The following ARL5A variants were observed in gnomAD, a reference collection of about 807,000 sequenced individuals.
ARL5A encodes ADP-ribosylation factor-like protein 5A.
Under a neutral mutation model 25.9 loss-of-function variants are expected in ARL5A, and 18 were observed. The observed-to-expected ratio is 0.69, with a 90% CI of 0.48 to 1.03. The LOEUF is 1.03. Ranked by LOEUF, ARL5A falls within the 50% of genes least tolerant of loss-of-function variation. ARL5A has a pLI of 0.00. For synonymous variants in ARL5A, 61 were observed against 67.5 expected (o/e 0.90, Z 0.47); for missense variants, 170 against 211.9 (o/e 0.80, Z 1.23).
At position 151,828,420 on chromosome 2, in the gene ARL5A, G is replaced by A; in HGVS notation, c.-244C>T. ...CGCGGACATCGCCGCCGCGTTGTCTGCGACGAGCCTCGCGGGCCACCGTCC... is the reference window on the plus strand; with the variant it reads ...CGCGGACATCGCCGCCGCGTTGTCTACGACGAGCCTCGCGGGCCACCGTCC... On this transcript the variant is annotated 5_prime_UTR_variant, in exon 1 of 6. Transcript: ENST00000295087. 5.4e-6 allele frequency: 2 copies of A among 367,428 alleles called. No individual in the cohort carries two copies. Among genetic ancestry groups the A allele is most frequent in the Non-Finnish European group, 9.6e-6 (2 of 207,776 alleles). The allele number at this position is 367,428 out of a possible 1,614,324, so 22.8% of individuals were successfully genotyped here.
At chr2:151,823,550 A>C (rs2099832641) in intron 1 of ARL5A, among the ~76,000 whole-genome samples, 1 of 152,172 alleles carries the variant, frequency 6.6e-6, no homozygotes, top group Non-Finnish European at 1.5e-5. Flanking sequence ...AGGGGACTGG[A>C]GTAATGAGAG....
intron 4 of ARL5A, among the ~76,000 whole-genome samples, chr2:151,811,916 T>C (rs1341608369): frequency 6.6e-6 from 1 of 152,208 alleles, no homozygotes; most frequent in African/African-American, 2.4e-5. Flanking sequence ...TCATCTAGTT[T>C]TGTTTAGTCA....
rs1007636457 is a variant in ARL5A, at chr2:151,801,634, C to T, written c.*1642G>A. The T allele has an allele frequency of 5.3e-5, 8 of 152,040 alleles. No individual in the cohort carries two copies. The highest frequency in any genetic ancestry group is 1.9e-4 in the African/African-American group (8 of 41,426). The allele number at this position is 152,040 out of a possible 1,614,324, so 9.4% of individuals were successfully genotyped here. ...AACATAAAACATCCAATGTTAAATA[C>T]TGATATCCCATGCCTGACCTGGATT... On this transcript the variant is annotated 3_prime_UTR_variant, in exon 6 of 6. Transcript: ENST00000295087.
At position 151,801,351 on chromosome 2, in the gene ARL5A, C is replaced by T. The variant is rs1292638449; in HGVS notation, c.*1925G>A. The T allele has an allele frequency of 6.6e-6, 1 of 152,096 alleles. No homozygotes were observed. The highest frequency in any genetic ancestry group is 1.9e-4 in the East Asian group (1 of 5,196). The allele number at this position is 152,096 out of a possible 1,614,324, so 9.4% of individuals were successfully genotyped here. A position where few individuals can be genotyped will look rare whatever the true frequency, so the allele number is the denominator to read the frequency against. On this transcript the variant is annotated 3_prime_UTR_variant, in exon 6 of 6. Coordinates refer to ENST00000295087, the MANE Select transcript of ARL5A (RefSeq NM_012097.4). ...TGGCAGTAATCCAAGGGACTAAGCA[C>T]ATGATTATTCAAATTAAAACATAAA...
chr2:151,803,381 A>C (rs1418523563), intron 5 of ARL5A, 57 bp from the exon 6 acceptor site: 2 of 1,284,782 alleles, frequency 1.6e-6, no homozygotes, highest in African/African-American at 1.5e-5. Flanking sequence ...TATGAGCAGC[A>C]AACTATGAAC....
Position 151,801,250 on chromosome 2 carries a change from C to T in ARL5A, c.*2026G>A, listed in dbSNP as rs1289336132. On this transcript the variant is annotated 3_prime_UTR_variant, in exon 6 of 6. Coordinates refer to ENST00000295087, the MANE Select transcript of ARL5A (RefSeq NM_012097.4). ...GTAACAAGGTAGTACATGCTTTAAA[C>T]ATCCAATTAAGAATAAATCTGAGCC... The T allele has an allele frequency of 6.6e-6, 1 of 152,426 alleles. No homozygotes were observed. Among genetic ancestry groups the T allele is most frequent in the Non-Finnish European group, 1.5e-5 (1 of 67,996 alleles). The allele number at this position is 152,426 out of a possible 1,614,324, so 9.4% of individuals were successfully genotyped here.
chr2:151,812,895 C>A (rs945131436), intron 3 of ARL5A, among the ~76,000 whole-genome samples: 3 of 152,006 alleles, frequency 2.0e-5, no homozygotes, highest in Non-Finnish European at 4.4e-5. Context: ...AAAAATTCAA[C>A]CAACTGAAAG....
At position 151,825,470 on chromosome 2, in the gene ARL5A, C is replaced by CATAAA. The variant is rs539420791; in HGVS notation, c.46+2656_46+2660dup. On this transcript the variant is annotated intron_variant, in intron 1 of 5. Transcript: ENST00000295087. ...TAACTACTTCAAAAGATTGTTAAAACATAAAATAAAATAAAATAAAATGAT... is the reference window on the plus strand; with the variant it reads ...TAACTACTTCAAAAGATTGTTAAAACATAAAATAAAATAAAATAAAATAAAATGAT... 1.1e-3 allele frequency among the ~76,000 whole-genome samples: 162 copies of CATAAA among 152,146 alleles called. 1 individual carries two copies. Among genetic ancestry groups the CATAAA allele is most frequent in the South Asian group, 7.5e-3 (36 of 4,824 alleles).
intron 1 of ARL5A, among the ~76,000 whole-genome samples, chr2:151,827,096 G>A (rs907171108): frequency 1.3e-5 from 2 of 152,152 alleles, no homozygotes; most frequent in Non-Finnish European, 2.9e-5. Context: ...TTGGAAAACT[G>A]GGACGTGACA....
intron 1 of ARL5A, among the ~76,000 whole-genome samples, chr2:151,815,669 G>A (rs1166301080): frequency 6.6e-6 from 1 of 152,152 alleles, no homozygotes; most frequent in African/African-American, 2.4e-5. Flanking sequence ...CGTAAATTAT[G>A]AGTACCTTAA....
At chr2:151,815,071 G>T in intron 2 of ARL5A, 68 bp downstream of exon 2, 1 of 1,180,224 alleles carries the variant, frequency 8.5e-7, no homozygotes, top group Non-Finnish European at 1.2e-6. Flanking sequence ...TGCATTCATT[G>T]ATCGACTATC....
At position 151,827,983 on chromosome 2, in the gene ARL5A, C is replaced by A. The variant is rs1578385960; in HGVS notation, c.46+148G>T. 3.8e-6 allele frequency: 3 copies of A among 786,220 alleles called. No individual in the cohort carries two copies. The East Asian group carries it at 9.2e-5, about 24-fold the overall frequency. 48.7% of individuals were successfully genotyped at this position (786,220 alleles called of 1,614,324 possible). ...AGCTCGGGAGCCGGGACCGAACCGT[C>A]CCGGGCCCGTATCCGCGCAGCCTGC... On this transcript the variant is annotated intron_variant, in intron 1 of 5. Transcript: ENST00000295087.
At position 151,802,709 on chromosome 2, in the gene ARL5A, A is replaced by G. The variant is rs1350384461; in HGVS notation, c.*567T>C. The G allele has an allele frequency of 6.5e-6, 1 of 152,812 alleles. No individual in the cohort carries two copies. The highest frequency in any genetic ancestry group is 1.5e-5 in the Non-Finnish European group (1 of 68,242). 9.5% of individuals were successfully genotyped at this position (152,812 alleles called of 1,614,324 possible). A position where few individuals can be genotyped will look rare whatever the true frequency, so the allele number is the denominator to read the frequency against. On this transcript the variant is annotated 3_prime_UTR_variant, in exon 6 of 6. Transcript: ENST00000295087. ...AAAATGGCACTGAACACTAATGCCAATACTTATCTCATTGTGGTTATAACG... is the reference window on the plus strand; with the variant it reads ...AAAATGGCACTGAACACTAATGCCAGTACTTATCTCATTGTGGTTATAACG...
chr2:151,800,861 T>G lies in ARL5A; in HGVS notation c.*2415A>C, dbSNP rs1020388070. 8 of 152,632 alleles carry G rather than the reference T, an allele frequency of 5.2e-5. No individual in the cohort carries two copies. Among genetic ancestry groups the G allele is most frequent in the Admixed American group, 2.0e-4 (3 of 15,282 alleles). 9.5% of individuals were successfully genotyped at this position (152,632 alleles called of 1,614,324 possible). A position where few individuals can be genotyped will look rare whatever the true frequency, so the allele number is the denominator to read the frequency against. ...TGTACAGAACTATGAATCTTTGTTC[T>G]TCTCAGAGCTGAACACAATGACTCC... On this transcript the variant is annotated 3_prime_UTR_variant, in exon 6 of 6. Transcript: ENST00000295087.
rs2099829195 is a variant in ARL5A, at chr2:151,800,022, A to G, written c.*3254T>C. 6.6e-6 allele frequency: 1 copy of G among 152,194 alleles called. No individual in the cohort carries two copies. The highest frequency in any genetic ancestry group is 2.1e-4 in the South Asian group (1 of 4,820). The allele number at this position is 152,194 out of a possible 1,614,324, so 9.4% of individuals were successfully genotyped here. ...GAAACTTGTCTCTACCCAGCCTTGA[A>G]AAAGTGATTGATGACAACATACAAC... On this transcript the variant is annotated 3_prime_UTR_variant, in exon 6 of 6. Transcript: ENST00000295087.
intron 1 of ARL5A, among the ~76,000 whole-genome samples, chr2:151,818,549 T>C (rs2099831834): frequency 6.6e-6 from 1 of 152,206 alleles, no homozygotes; most frequent in African/African-American, 2.4e-5. Flanking sequence ...AGTGCTAGGA[T>C]TACAGGTGCA....
At chr2:151,814,751 T>C (rs1017939720) in intron 2 of ARL5A, among the ~76,000 whole-genome samples, 1 of 151,824 alleles carries the variant, frequency 6.6e-6, no homozygotes, top group Non-Finnish European at 1.5e-5. Context: ...TTCATATATA[T>C]CTTATAAAGA....
At chr2:151,804,650 T>C (rs962129712) in intron 5 of ARL5A, among the ~76,000 whole-genome samples, 3 of 152,120 alleles carry the variant, frequency 2.0e-5, no homozygotes, top group Non-Finnish European at 1.5e-5. Flanking sequence ...AACTGATAAA[T>C]GAACAGTAGT....
chr2:151,804,132 T>C (rs2099829782), intron 5 of ARL5A, among the ~76,000 whole-genome samples: 1 of 152,142 alleles, frequency 6.6e-6, no homozygotes, highest in Non-Finnish European at 1.5e-5. Flanking sequence ...ACAAAATATA[T>C]ATTGTAGTTA....
Sources: gnomAD v4.1 joint callset for allele counts (sites outside exome capture counted in the v4.1 genomes callset) on GRCh38, gnomAD v4.1.1 for gene constraint, MANE v1.5 for transcripts, NCBI Gene and HGNC (gene_info 2026-07-23, HGNC 2026-07-21) for gene names.